The following MBOAT2 variants were observed in gnomAD, a reference collection of about 807,000 sequenced individuals.
The protein encoded by MBOAT2 is membrane bound glycerophospholipid O-acyltransferase 2.
A neutral mutation model predicts 63.4 loss-of-function variants in MBOAT2; 28 were observed. The ratio of observed to expected loss-of-function variants is 0.44; its 90% confidence interval spans 0.33 to 0.61. The LOEUF (loss-of-function observed/expected upper bound fraction) is 0.61. MBOAT2 is among the 20% of genes least tolerant of loss of function. The pLI, the probability that MBOAT2 is intolerant of heterozygous loss-of-function variation, is 0.03. For missense variants in MBOAT2, 470 were observed against 605.8 expected (o/e 0.78, Z 2.35); for synonymous variants, 211 against 215.6 (o/e 0.98, Z 0.19).
chr2:8,865,520 TAGG>T (rs550672472), intron 9 of MBOAT2, among the ~76,000 whole-genome samples: 3 of 152,208 alleles, frequency 2.0e-5, no homozygotes, highest in Non-Finnish European at 4.4e-5. Flanking sequence ...CCTTCAACTG[TAGG>T]AGAAGCTTCA....
intron 4 of MBOAT2, among the ~76,000 whole-genome samples, chr2:8,895,332 G>A (rs948094213): frequency 3.9e-5 from 6 of 152,094 alleles, no homozygotes; most frequent in African/African-American, 1.2e-4. Context: ...GTTTTACAGA[G>A]TGCTGATTGG....
At chr2:8,962,200 T>C (rs1474057305) in intron 1 of MBOAT2, among the ~76,000 whole-genome samples, 2 of 152,196 alleles carry the variant, frequency 1.3e-5, no homozygotes, top group African/African-American at 2.4e-5. Context: ...ATTATCTCCA[T>C]TTACCGAGAC....
At chr2:8,925,336 G>C (rs530667333) in intron 3 of MBOAT2, among the ~76,000 whole-genome samples, 2 of 152,278 alleles carry the variant, frequency 1.3e-5, no homozygotes, top group South Asian at 4.1e-4. Flanking sequence ...CCTTTAGGTG[G>C]AAAGTAGGAA....
At chr2:8,903,965 CT>C (rs917847037) in intron 4 of MBOAT2, among the ~76,000 whole-genome samples, 17 of 149,788 alleles carry the variant, frequency 1.1e-4, no homozygotes, top group East Asian at 5.8e-4. Flanking sequence ...GAATCAGTAT[CT>C]TTTTTTTTTA....
chr2:8,939,636 G>A (rs532788978), intron 3 of MBOAT2, among the ~76,000 whole-genome samples: 42 of 152,242 alleles, frequency 2.8e-4, no homozygotes, highest in African/African-American at 8.7e-4. Flanking sequence ...CCTAGGAAAC[G>A]GGCTTCCGTG....
rs563880955 is a variant in MBOAT2, at chr2:8,931,184, C to G, written c.299+12003G>C. ...GCATTATTATTTCTCCACAGCCTCA[C>G]CAGCATGTTGTTTCTGACTTTTTAA... On this transcript the variant is annotated intron_variant, in intron 3 of 12. Transcript: ENST00000305997. Among the ~76,000 whole-genome samples the G allele has an allele frequency of 4.7e-4, 71 of 152,318 alleles. 1 individual carries two copies. The highest frequency in any genetic ancestry group is 1.6e-3 in the African/African-American group (67 of 41,564).
At chr2:8,905,807 TA>T (rs1324106531) in intron 4 of MBOAT2, among the ~76,000 whole-genome samples, 2 of 152,178 alleles carry the variant, frequency 1.3e-5, no homozygotes, top group Admixed American at 6.5e-5. Flanking sequence ...AGTATAATAA[TA>T]AAAAAAGTTT....
At position 9,003,066 on chromosome 2, in the gene MBOAT2, C is replaced by T. The variant is rs1040323625; in HGVS notation, c.75+474G>A. On this transcript the variant is annotated intron_variant, in intron 1 of 12. Transcript: ENST00000305997. This position sits in a 1 kb window ranked among gnomAD's most constrained non-coding sequence, Gnocchi z 5.4. Reference sequence around the variant, plus strand: ...TCTAAGGCACCCAGCACACCCAGACCCATGCATCAGCCTCTCCGGGGGTCG... The same window carrying T: ...TCTAAGGCACCCAGCACACCCAGACTCATGCATCAGCCTCTCCGGGGGTCG... 3.9e-5 allele frequency among the ~76,000 whole-genome samples: 6 copies of T among 152,286 alleles called. No individual in the cohort carries two copies. The highest frequency in any genetic ancestry group is 4.8e-5 in the African/African-American group (2 of 41,582).
chr2:8,966,163 T>C (rs889252274), intron 1 of MBOAT2, among the ~76,000 whole-genome samples: 4 of 152,132 alleles, frequency 2.6e-5, no homozygotes, highest in Non-Finnish European at 4.4e-5. Flanking sequence ...AAGATCAAAG[T>C]GTATATCAAA....
intron 3 of MBOAT2, among the ~76,000 whole-genome samples, chr2:8,926,173 G>C (rs1288732555): frequency 6.6e-6 from 1 of 152,202 alleles, no homozygotes; most frequent in East Asian, 1.9e-4. Flanking sequence ...TTGTCACCCA[G>C]GCTGGAGTAC....
rs1662458818 is a variant in MBOAT2 at position 8,873,178 on chromosome 2, T to C, written c.813A>G (p.Pro271=). The C allele has an allele frequency of 6.2e-7, 1 of 1,614,076 alleles. No individual in the cohort carries two copies. Among genetic ancestry groups the C allele is most frequent in the Non-Finnish European group, 8.5e-7 (1 of 1,180,040 alleles). ...AGATATACAGATAGATAATCTTTGT[T>C]GGCCACGAAGCTGTAGCTTGAAAAT... The part of the protein sequence containing the change: ...DEHFQATASW[P]TKIIYLYISL... The change falls in exon 8 of 13, where the codon CCA becomes CCG. Residue 271 remains proline, a synonymous_variant. Coordinates refer to ENST00000305997, the MANE Select transcript of MBOAT2 (RefSeq NM_138799.4).
chr2:8,855,391 T>G lies in MBOAT2; in HGVS notation c.*3288A>C, dbSNP rs1661014588. ...CAGAATGAAGATCCAGGTCTCCTCC[T>G]AGGTCAGCTAGTGCTTAAATGTGAG... is the stretch of plus-strand genomic sequence containing the variant. On this transcript the variant is annotated 3_prime_UTR_variant, in exon 13 of 13. Coordinates refer to ENST00000305997, the MANE Select transcript of MBOAT2 (RefSeq NM_138799.4). 6.6e-6 allele frequency: 1 copy of G among 152,226 alleles called. No individual in the cohort carries two copies. Among genetic ancestry groups the G allele is most frequent in the Admixed American group, 6.5e-5 (1 of 15,280 alleles). The allele number at this position is 152,226 out of a possible 1,614,324, so 9.4% of individuals were successfully genotyped here. A position where few individuals can be genotyped will look rare whatever the true frequency, so the allele number is the denominator to read the frequency against.
intron 1 of MBOAT2, among the ~76,000 whole-genome samples, chr2:8,976,945 C>T (rs1670859613): frequency 6.6e-6 from 1 of 152,066 alleles, no homozygotes; most frequent in African/African-American, 2.4e-5. Context: ...GAGAAGAGTG[C>T]CTACTATATG....
intron 1 of MBOAT2, among the ~76,000 whole-genome samples, chr2:8,988,479 A>C (rs1671711130): frequency 1.3e-5 from 2 of 152,320 alleles, no homozygotes; most frequent in South Asian, 4.1e-4. Flanking sequence ...CAAAAATACA[A>C]TACTATAACT....
intron 3 of MBOAT2, 40 bp downstream of exon 3, chr2:8,943,147 G>A: frequency 8.4e-7 from 1 of 1,187,766 alleles, no homozygotes; most frequent in South Asian, 1.7e-5. Flanking sequence ...TTCTATTCAA[G>A]TGAAATATAT....
At chr2:8,974,062 A>G (rs914130417) in intron 1 of MBOAT2, among the ~76,000 whole-genome samples, 1 of 152,182 alleles carries the variant, frequency 6.6e-6, no homozygotes, top group Admixed American at 6.5e-5. Context: ...GCCCTGTACC[A>G]AGTACCAAGT....
chr2:8,872,340 C>T (rs536537061), intron 8 of MBOAT2, among the ~76,000 whole-genome samples: 2 of 152,298 alleles, frequency 1.3e-5, no homozygotes, highest in South Asian at 2.1e-4. Context: ...TGCAGGGGTG[C>T]AATCATAGCT....
In MBOAT2 at chr2:8,858,057, C is replaced by T. The variant is rs993630746; in HGVS notation, c.*622G>A. The T allele has an allele frequency of 2.0e-5, 3 of 152,648 alleles. No individual in the cohort carries two copies. The highest frequency in any genetic ancestry group is 4.8e-5 in the African/African-American group (2 of 41,458). 9.5% of individuals were successfully genotyped at this position (152,648 alleles called of 1,614,324 possible). On this transcript the variant is annotated 3_prime_UTR_variant, in exon 13 of 13. Transcript: ENST00000305997. ...GCAAAATCAGCTACCTATAATTTGGCGTCCATTACTGTTTACAGTTTCACT... is the reference window on the plus strand; with the variant it reads ...GCAAAATCAGCTACCTATAATTTGGTGTCCATTACTGTTTACAGTTTCACT...
chr2:8,910,126 T>G (rs1297593429), intron 3 of MBOAT2, among the ~76,000 whole-genome samples: 5 of 152,114 alleles, frequency 3.3e-5, no homozygotes, highest in African/African-American at 4.8e-5. Flanking sequence ...CTGAGACCAC[T>G]GCATGTAGAG....
Sources: gnomAD v4.1 joint callset for allele counts (sites outside exome capture counted in the v4.1 genomes callset) on GRCh38, gnomAD v4.1.1 for gene constraint, Gnocchi (gnomAD v3.1) non-coding constraint, MANE v1.5 for transcripts, NCBI Gene and HGNC (gene_info 2026-07-23, HGNC 2026-07-21) for gene names.